CDKAL1: variants seen among roughly 807,000 people sequenced by gnomAD.
CDKAL1 encodes the protein threonylcarbamoyladenosine tRNA methylthiotransferase.
CDKAL1 carries 32 observed loss-of-function variants against 68.2 expected under a neutral mutation model. The observed-to-expected ratio is 0.47, with a 90% CI of 0.35 to 0.63. CDKAL1 has a LOEUF of 0.63. Ranked by LOEUF, CDKAL1 falls within the 30% of genes least tolerant of loss-of-function variation. The pLI, the probability that CDKAL1 is intolerant of heterozygous loss-of-function variation, is 0.00. For missense variants in CDKAL1, 606 were observed against 696.7 expected, an observed-to-expected ratio of 0.87 and a Z score of 1.47; for synonymous variants, 234 against 244.3, an observed-to-expected ratio of 0.96 and a Z score of 0.39.
At chr6:21,194,350 G>A (rs913012686) in intron 13 of CDKAL1, among the ~76,000 whole-genome samples, 1 of 152,184 alleles carries the variant, frequency 6.6e-6, no homozygotes, top group Admixed American at 6.5e-5. Context: ...AGTTTCAGCT[G>A]TTAGGCAAGG....
chr6:20,733,215 C>G (rs1581470050), intron 5 of CDKAL1, among the ~76,000 whole-genome samples: 2 of 152,338 alleles, frequency 1.3e-5, no homozygotes, highest in East Asian at 1.9e-4. Context: ...CAGCTACTTG[C>G]AGCTGTCCTT....
intron 15 of CDKAL1, among the ~76,000 whole-genome samples, chr6:21,217,218 A>T (rs1024498936): frequency 6.6e-6 from 1 of 150,708 alleles, no homozygotes; most frequent in Non-Finnish European, 1.5e-5. Context: ...TTCAGCAAAG[A>T]GTCTGTATAA....
intron 13 of CDKAL1, among the ~76,000 whole-genome samples, chr6:21,157,133 A>G (rs1446538240): frequency 6.6e-6 from 1 of 152,210 alleles, no homozygotes; most frequent in Non-Finnish European, 1.5e-5. Context: ...TCTATCACTT[A>G]TGAGCTCTAT....
intron 13 of CDKAL1, among the ~76,000 whole-genome samples, chr6:21,126,786 A>T (rs2151015675): frequency 6.6e-6 from 1 of 152,352 alleles, no homozygotes; most frequent in South Asian, 2.1e-4. Flanking sequence ...AACCCAACTC[A>T]TGCTGGTTTA....
Position 20,852,269 on chromosome 6 carries a change from G to A in CDKAL1, c.742+6091G>A, listed in dbSNP as rs1457683871. 3.3e-5 allele frequency among the ~76,000 whole-genome samples: 5 copies of A among 152,102 alleles called. No individual in the cohort carries two copies. The East Asian group carries it at 9.6e-4, about 29-fold the overall frequency. On this transcript the variant is annotated intron_variant, in intron 9 of 15. Coordinates refer to ENST00000274695, the MANE Select transcript of CDKAL1 (RefSeq NM_017774.3). Reference sequence around the variant, plus strand: ...CTTCAGAAGAATAGTGAAATAGAGTGATTTATATAATCTGATAGGAGTATG... The same window carrying A: ...CTTCAGAAGAATAGTGAAATAGAGTAATTTATATAATCTGATAGGAGTATG...
chr6:20,884,428 T>C (rs949295123), intron 9 of CDKAL1, among the ~76,000 whole-genome samples: 1 of 152,166 alleles, frequency 6.6e-6, no homozygotes, highest in Non-Finnish European at 1.5e-5. Flanking sequence ...AATAAAAGCT[T>C]TCCCCCTAAG....
intron 15 of CDKAL1, among the ~76,000 whole-genome samples, chr6:21,201,899 T>C (rs1778705975): frequency 6.6e-6 from 1 of 152,090 alleles, no homozygotes; most frequent in Non-Finnish European, 1.5e-5. Context: ...AATGAAAATG[T>C]GTATCACATT....
At chr6:20,664,056 G>C (rs1769411432) in intron 5 of CDKAL1, among the ~76,000 whole-genome samples, 2 of 152,086 alleles carry the variant, frequency 1.3e-5, no homozygotes, top group South Asian at 4.1e-4. Flanking sequence ...ATTTTTTATA[G>C]GTTGGCGCCA....
chr6:21,101,169 A>G (rs1472377020), intron 12 of CDKAL1, among the ~76,000 whole-genome samples: 1 of 152,226 alleles, frequency 6.6e-6, no homozygotes, highest in Non-Finnish European at 1.5e-5. Context: ...TTGAGAACAC[A>G]GAATGGCAGT....
intron 10 of CDKAL1, among the ~76,000 whole-genome samples, chr6:20,997,625 A>G (rs1040275274): frequency 1.3e-5 from 2 of 152,174 alleles, no homozygotes; most frequent in East Asian, 1.9e-4. Flanking sequence ...GTAGCAGGGC[A>G]AAGTTTCATC....
chr6:20,982,370 C>T (rs774104288), intron 10 of CDKAL1, among the ~76,000 whole-genome samples: 3 of 152,076 alleles, frequency 2.0e-5, no homozygotes, highest in Non-Finnish European at 4.4e-5. Context: ...GAAGGAAATT[C>T]TTAGCATATA....
At chr6:20,919,756 C>CTA (rs1762867423) in intron 9 of CDKAL1, among the ~76,000 whole-genome samples, 1 of 152,144 alleles carries the variant, frequency 6.6e-6, no homozygotes, top group Admixed American at 6.5e-5. Context: ...GAACACCTTA[C>CTA]TATAATCTGG....
chr6:21,003,765 C>A (rs1431462499), intron 11 of CDKAL1, among the ~76,000 whole-genome samples: 1 of 152,104 alleles, frequency 6.6e-6, no homozygotes, highest in Non-Finnish European at 1.5e-5. Context: ...TCTTGTCCAG[C>A]CTTTATTAAA....
chr6:20,991,070 T>C (rs1766765159), intron 10 of CDKAL1, among the ~76,000 whole-genome samples: 2 of 152,212 alleles, frequency 1.3e-5, no homozygotes, highest in Admixed American at 6.5e-5. Context: ...TACAAATCTA[T>C]ACATTGTGCT....
At chr6:20,620,794 G>C (rs1767156265) in intron 4 of CDKAL1, among the ~76,000 whole-genome samples, 1 of 151,790 alleles carries the variant, frequency 6.6e-6, no homozygotes, top group African/African-American at 2.4e-5. Context: ...AATTGAATAG[G>C]TAGTATGGAA....
At chr6:20,585,227 T>A (rs1362563839) in intron 4 of CDKAL1, among the ~76,000 whole-genome samples, 1 of 152,046 alleles carries the variant, frequency 6.6e-6, no homozygotes, top group Non-Finnish European at 1.5e-5. Context: ...AATTTTTTTT[T>A]ATTTTTAGTA....
At chr6:21,155,616 C>T (rs1776606950) in intron 13 of CDKAL1, among the ~76,000 whole-genome samples, 1 of 152,162 alleles carries the variant, frequency 6.6e-6, no homozygotes, top group South Asian at 2.1e-4. Context: ...TATTTCAGTG[C>T]CTAGCACGTA....
chr6:20,544,121 C>G (rs1275399662), intron 2 of CDKAL1, among the ~76,000 whole-genome samples: 4 of 152,014 alleles, frequency 2.6e-5, no homozygotes, highest in Non-Finnish European at 5.9e-5. Context: ...CATTTTTTGC[C>G]TATAAATGTC....
chr6:20,651,016 A>G (rs1219939775), intron 5 of CDKAL1, among the ~76,000 whole-genome samples: 5 of 151,974 alleles, frequency 3.3e-5, no homozygotes, highest in Admixed American at 3.3e-4. Context: ...CTTTTTTCTT[A>G]GGATTGTCTT....
Sources: allele counts gnomAD v4.1 joint callset (sites outside exome capture counted in the v4.1 genomes callset), GRCh38; gene constraint gnomAD v4.1.1; transcripts MANE v1.5; gene names NCBI Gene and HGNC (gene_info 2026-07-23, HGNC 2026-07-21).